Variants in AIG1 observed in about 807,000 individuals in gnomAD.
AIG1 encodes the protein androgen induced 1, also known as androgen-induced gene 1 protein.
Under a neutral mutation model 31.4 loss-of-function variants are expected in AIG1, and 23 were observed. The ratio of observed to expected loss-of-function variants is 0.73; its 90% CI spans 0.53 to 1.04. AIG1 has a LOEUF of 1.04. AIG1 is among the 50% of genes least tolerant of loss of function. The probability of loss-of-function intolerance (pLI) is 0.00; values close to 1 mark genes in which losing one functional copy is unlikely to be tolerated. For missense variants in AIG1, 274 were observed against 295.0 expected (o/e 0.93, Z 0.52); for synonymous variants, 100 against 110.5 (o/e 0.90, Z 0.60).
Position 143,225,394 on chromosome 6 carries a change from G to T in AIG1, c.400-58716G>T, listed in dbSNP as rs375985237. On this transcript the variant is annotated intron_variant, in intron 3 of 5. Coordinates refer to ENST00000357847, the MANE Select transcript of AIG1 (RefSeq NM_016108.4). Reference sequence around the variant, plus strand: ...CACACATGAGAGGAATTCAGAAAATGCTTGTTGAACAATGAATAAATGACT... The same window carrying T: ...CACACATGAGAGGAATTCAGAAAATTCTTGTTGAACAATGAATAAATGACT... Among the ~76,000 whole-genome samples the T allele has an allele frequency of 2.4e-4, 36 of 152,312 alleles. No homozygotes were observed. In the South Asian group the frequency reaches 7.5e-3, roughly 32 times the overall value.
In AIG1 at chr6:143,284,536, T is replaced by C. The variant is rs1381085845; in HGVS notation, c.515+311T>C. 1.3e-5 allele frequency among the ~76,000 whole-genome samples: 2 copies of C among 152,158 alleles called. No homozygotes were observed. The highest frequency in any genetic ancestry group is 2.9e-5 in the Non-Finnish European group (2 of 68,030). On this transcript the variant is annotated intron_variant, in intron 4 of 5. Transcript: ENST00000357847. The surrounding 1 kb of genome is among the most constrained non-coding windows in gnomAD (Gnocchi z 4.4). ...TTTTATTGCTTAAGGGCTTTTTTGCTTGGGATTTTGTTGTTGTTGCTTTTG... is the reference window on the plus strand; with the variant it reads ...TTTTATTGCTTAAGGGCTTTTTTGCCTGGGATTTTGTTGTTGTTGCTTTTG...
chr6:143,253,387 C>T (rs764687843), intron 3 of AIG1, among the ~76,000 whole-genome samples: 4 of 152,194 alleles, frequency 2.6e-5, no homozygotes, highest in Non-Finnish European at 5.9e-5. Context: ...ATCATGCTAA[C>T]CAAATCCCTC....
intron 1 of AIG1, among the ~76,000 whole-genome samples, chr6:143,108,192 G>T (rs1159268459): frequency 2.0e-5 from 3 of 152,140 alleles, no homozygotes; most frequent in Admixed American, 6.5e-5. Flanking sequence ...TAAGCACATT[G>T]TAACGGGTGT....
At chr6:143,116,961 G>A (rs9496524) in intron 1 of AIG1, among the ~76,000 whole-genome samples, 14,755 of 151,992 alleles carry the variant, frequency 0.097, 1,179 homozygotes, top group East Asian at 0.38. Flanking sequence ...GGGCTCAGAT[G>A]TTCCTCATCG....
At chr6:143,173,879 T>C (rs1239721831) in intron 3 of AIG1, among the ~76,000 whole-genome samples, 1 of 152,228 alleles carries the variant, frequency 6.6e-6, no homozygotes, top group Admixed American at 6.5e-5. Context: ...GGGTAGAATG[T>C]TCTGTAAATA....
At chr6:143,124,635 G>A (rs1288814651) in intron 1 of AIG1, among the ~76,000 whole-genome samples, 1 of 152,162 alleles carries the variant, frequency 6.6e-6, no homozygotes, top group Non-Finnish European at 1.5e-5. Context: ...ATACCCGAGG[G>A]TAATTTACAA....
intron 4 of AIG1, among the ~76,000 whole-genome samples, chr6:143,322,605 C>T (rs947903648): frequency 1.3e-5 from 2 of 152,170 alleles, no homozygotes; most frequent in Admixed American, 1.3e-4. Flanking sequence ...GGTAACATCA[C>T]CATAAAACCA....
At chr6:143,085,862 G>A (rs1045274610) in intron 1 of AIG1, among the ~76,000 whole-genome samples, 2 of 152,234 alleles carry the variant, frequency 1.3e-5, no homozygotes, top group African/African-American at 4.8e-5. Context: ...CCTAGGTCTG[G>A]TCGGACCTTT....
intron 4 of AIG1, among the ~76,000 whole-genome samples, chr6:143,309,092 G>A (rs2128705574): frequency 6.6e-6 from 1 of 152,058 alleles, no homozygotes; most frequent in Middle Eastern, 3.4e-3. Flanking sequence ...CTTCTCATCA[G>A]AAATCATGCA....
At chr6:143,171,465 T>TC (rs1491578338) in intron 3 of AIG1, among the ~76,000 whole-genome samples, 1 of 20,270 alleles carries the variant, frequency 4.9e-5, no homozygotes, top group East Asian at 0.062. Flanking sequence ...AATATATATA[T>TC]TTAATATATA....
chr6:143,255,908 A>G (rs1357583373), intron 3 of AIG1, among the ~76,000 whole-genome samples: 1 of 152,164 alleles, frequency 6.6e-6, no homozygotes, highest in African/African-American at 2.4e-5. Context: ...TCTGTTTTGC[A>G]GAATATCTGT....
intron 3 of AIG1, among the ~76,000 whole-genome samples, chr6:143,170,300 C>G (rs1012486774): frequency 1.3e-5 from 2 of 152,046 alleles, no homozygotes; most frequent in African/African-American, 4.8e-5. Flanking sequence ...CTGTTTTCTC[C>G]TGGCTCAATG....
intron 3 of AIG1, among the ~76,000 whole-genome samples, chr6:143,229,538 A>G (rs1230977611): frequency 5.9e-5 from 9 of 152,162 alleles, no homozygotes; most frequent in African/African-American, 1.9e-4. Flanking sequence ...GAACATGTAG[A>G]CCATCATTAA....
chr6:143,337,471 T>G (rs1029786734), intron 5 of AIG1, among the ~76,000 whole-genome samples: 2 of 151,676 alleles, frequency 1.3e-5, no homozygotes, highest in African/African-American at 2.4e-5. Context: ...CACTTCGATG[T>G]AGCAGTTTGG....
chr6:143,180,885 T>C (rs1935808206), intron 3 of AIG1, among the ~76,000 whole-genome samples: 1 of 152,220 alleles, frequency 6.6e-6, no homozygotes, highest in African/African-American at 2.4e-5. Flanking sequence ...CGATTTATTC[T>C]CTTCAATATT....
intron 4 of AIG1, among the ~76,000 whole-genome samples, chr6:143,303,486 C>G: frequency 6.6e-6 from 1 of 152,176 alleles, no homozygotes; most frequent in East Asian, 1.9e-4. Context: ...ATAGGGAATC[C>G]TTTCCCCATT....
chr6:143,147,517 C>T (rs938584362), intron 2 of AIG1, among the ~76,000 whole-genome samples: 9 of 152,032 alleles, frequency 5.9e-5, no homozygotes, highest in Non-Finnish European at 7.4e-5. Flanking sequence ...AAGAAGACTC[C>T]GCACTCCCTT....
At chr6:143,233,788 T>C (rs1348223547) in intron 3 of AIG1, among the ~76,000 whole-genome samples, 5 of 152,192 alleles carry the variant, frequency 3.3e-5, no homozygotes, top group African/African-American at 1.2e-4. Context: ...TAGGTTACAG[T>C]TCACTATGTG....
intron 1 of AIG1, among the ~76,000 whole-genome samples, chr6:143,092,727 C>G (rs1779413491): frequency 6.6e-6 from 1 of 152,074 alleles, no homozygotes. Context: ...TCATTAGCCC[C>G]TAACAAGAGA....
Sources: allele counts gnomAD v4.1 joint callset (sites outside exome capture counted in the v4.1 genomes callset), GRCh38; gene constraint gnomAD v4.1.1; non-coding constraint Gnocchi (gnomAD v3.1); transcripts MANE v1.5; gene names NCBI Gene and HGNC (gene_info 2026-07-23, HGNC 2026-07-21).